The following AGBL4 variants were observed in gnomAD, a reference collection of about 807,000 sequenced individuals.
AGBL4 encodes cytosolic carboxypeptidase 6.
A neutral mutation model predicts 66.4 loss-of-function variants in AGBL4; 58 were observed. The ratio of observed to expected loss-of-function variants is 0.87; its 90% CI spans 0.71 to 1.09. AGBL4 has a LOEUF of 1.09. AGBL4 is among the 50% of genes least tolerant of loss of function. AGBL4 has a pLI of 0.00. For missense variants in AGBL4, 579 were observed against 631.0 expected (o/e 0.92, Z 0.88); for synonymous variants, 234 against 222.9 (o/e 1.05, Z -0.44).
intron 1 of AGBL4, among the ~76,000 whole-genome samples, chr1:49,942,859 G>A (rs1654893387): frequency 6.6e-6 from 1 of 152,064 alleles, no homozygotes; most frequent in Non-Finnish European, 1.5e-5. Flanking sequence ...AATCAACTGA[G>A]TGACGAGACA....
At chr1:49,635,491 C>T (rs1645653846) in intron 3 of AGBL4, among the ~76,000 whole-genome samples, 1 of 152,072 alleles carries the variant, frequency 6.6e-6, no homozygotes, top group Admixed American at 6.6e-5. Flanking sequence ...ATTTCCAATT[C>T]ATGCAAATGA....
At position 48,922,064 on chromosome 1, in the gene AGBL4, A is replaced by G. The variant is rs553926441; in HGVS notation, c.595-54834T>C. 3.9e-5 allele frequency among the ~76,000 whole-genome samples: 6 copies of G among 152,266 alleles called. No individual in the cohort carries two copies. The South Asian group carries it at 1.2e-3, about 32-fold the overall frequency. On this transcript the variant is annotated intron_variant, in intron 5 of 13. Transcript: ENST00000371839. ...TTTAAGGTTATTTTGTTCAGGCAAG[A>G]TCTTTGAGGGGCACAGCCCTTCTAG... is the stretch of plus-strand genomic sequence containing the variant.
intron 3 of AGBL4, among the ~76,000 whole-genome samples, chr1:49,443,147 C>T (rs1285508614): frequency 2.0e-5 from 3 of 151,938 alleles, no homozygotes; most frequent in East Asian, 1.9e-4. Flanking sequence ...TGTTGAATTG[C>T]TTGAGTTCCT....
chr1:48,598,163 C>G (rs1192486536), intron 9 of AGBL4, among the ~76,000 whole-genome samples: 1 of 152,156 alleles, frequency 6.6e-6, no homozygotes, highest in East Asian at 1.9e-4. Flanking sequence ...TGGAGTTTAT[C>G]CTATGTACAG....
intron 3 of AGBL4, among the ~76,000 whole-genome samples, chr1:49,607,541 C>T (rs905023153): frequency 1.3e-5 from 2 of 152,076 alleles, no homozygotes; most frequent in Non-Finnish European, 2.9e-5. Context: ...TGGAGGTTTG[C>T]CTCTTCTAGG....
chr1:49,906,913 T>C (rs983208774), intron 1 of AGBL4, among the ~76,000 whole-genome samples: 1 of 152,110 alleles, frequency 6.6e-6, no homozygotes, highest in Non-Finnish European at 1.5e-5. Context: ...ATCCACATTT[T>C]CTTACAAGGT....
At chr1:48,869,314 C>A (rs925627428) in intron 5 of AGBL4, among the ~76,000 whole-genome samples, 2 of 152,186 alleles carry the variant, frequency 1.3e-5, no homozygotes, top group South Asian at 4.1e-4. Context: ...GGAGCCAGAC[C>A]TTCTTCCTTC....
chr1:49,989,283 A>C (rs1202048275), intron 1 of AGBL4, among the ~76,000 whole-genome samples: 1 of 152,202 alleles, frequency 6.6e-6, no homozygotes, highest in African/African-American at 2.4e-5. Flanking sequence ...TGCATCTGAA[A>C]TGTAGAGAAG....
intron 6 of AGBL4, chr1:48,818,094 A>C (rs1646226230): frequency 2.8e-6 from 2 of 713,642 alleles, no homozygotes; most frequent in East Asian, 5.4e-5. Flanking sequence ...GAAGCAAATG[A>C]TTTCACCAGC....
At chr1:49,959,459 T>C (rs1398911269) in intron 1 of AGBL4, among the ~76,000 whole-genome samples, 1 of 151,916 alleles carries the variant, frequency 6.6e-6, no homozygotes, top group Non-Finnish European at 1.5e-5. Flanking sequence ...GTATCAGAGG[T>C]ATGAAGTGTG....
chr1:49,948,574 T>G (rs537962582), intron 1 of AGBL4, among the ~76,000 whole-genome samples: 52,614 of 121,266 alleles, frequency 0.43, 13,732 homozygotes, highest in Non-Finnish European at 0.57. Flanking sequence ...AATATATATA[T>G]ATATATATAG....
intron 6 of AGBL4, among the ~76,000 whole-genome samples, chr1:48,852,710 G>C (rs1413176924): frequency 1.3e-5 from 2 of 151,748 alleles, no homozygotes; most frequent in Admixed American, 6.6e-5. Flanking sequence ...GACAAATTTA[G>C]CTGTTTATTC....
chr1:49,415,126 T>A lies in AGBL4; in HGVS notation c.283-169262A>T, dbSNP rs906768035. 4.6e-5 allele frequency among the ~76,000 whole-genome samples: 7 copies of A among 152,138 alleles called. 1 individual carries two copies. Among genetic ancestry groups the A allele is most frequent in the Admixed American group, 3.3e-4 (5 of 15,272 alleles). ...CAATTCTGTACTCTTTCCTACTTCT[T>A]CGCTAGCCCAAGGACTGTCTCTGTC... On this transcript the variant is annotated intron_variant, in intron 3 of 13. Transcript: ENST00000371839.
intron 1 of AGBL4, among the ~76,000 whole-genome samples, chr1:49,987,581 T>C (rs575890587): frequency 8.7e-4 from 133 of 152,178 alleles, no homozygotes; most frequent in African/African-American, 3.1e-3. Flanking sequence ...TTTTTGTGTT[T>C]GGTGTTATCC....
intron 6 of AGBL4, among the ~76,000 whole-genome samples, chr1:48,832,490 G>A (rs1287019033): frequency 6.6e-6 from 1 of 152,150 alleles, no homozygotes; most frequent in Non-Finnish European, 1.5e-5. Context: ...TAGGTTGTGA[G>A]TACCTTGAGG....
intron 2 of AGBL4, among the ~76,000 whole-genome samples, chr1:49,710,434 G>A (rs1349014592): frequency 6.6e-6 from 1 of 152,038 alleles, no homozygotes; most frequent in Non-Finnish European, 1.5e-5. Context: ...CACTGGGCCT[G>A]TTGGAGGTTG....
At chr1:48,847,193 G>A (rs1047243099) in intron 6 of AGBL4, among the ~76,000 whole-genome samples, 3 of 152,050 alleles carry the variant, frequency 2.0e-5, no homozygotes, top group Non-Finnish European at 2.9e-5. Flanking sequence ...CCAGCTACTC[G>A]GGAGGCTGAG....
At chr1:49,734,599 C>T (rs1452764162) in intron 2 of AGBL4, among the ~76,000 whole-genome samples, 1 of 151,820 alleles carries the variant, frequency 6.6e-6, no homozygotes, top group Non-Finnish European at 1.5e-5. Flanking sequence ...AAGACTTGTA[C>T]AATGCAAGCT....
At position 49,910,658 on chromosome 1, in the gene AGBL4, A is replaced by G. The variant is rs547619044; in HGVS notation, c.35-59140T>C. Among the ~76,000 whole-genome samples the G allele has an allele frequency of 2.3e-3, 330 of 145,436 alleles. 1 individual carries two copies. Among genetic ancestry groups the G allele is most frequent in the African/African-American group, 7.5e-3 (297 of 39,628 alleles). On this transcript the variant is annotated intron_variant, in intron 1 of 13. Coordinates refer to ENST00000371839, the MANE Select transcript of AGBL4 (RefSeq NM_032785.4). Reference sequence around the variant, plus strand: ...AGTGACAATGAGATGAATGAAGAATAAAAAAAAAAAGAAAAAGAAAAAAGA... The same window carrying G: ...AGTGACAATGAGATGAATGAAGAATGAAAAAAAAAAGAAAAAGAAAAAAGA...
Sources: allele counts gnomAD v4.1 joint callset (sites outside exome capture counted in the v4.1 genomes callset), GRCh38; gene constraint gnomAD v4.1.1; transcripts MANE v1.5; gene names NCBI Gene and HGNC (gene_info 2026-07-23, HGNC 2026-07-21).